TNRC6B: variants seen among roughly 807,000 people sequenced by gnomAD.
TNRC6B encodes the protein trinucleotide repeat-containing gene 6B protein.
In TNRC6B, 52 loss-of-function variants were observed where a neutral mutation model predicts 203.6. That is an observed-to-expected ratio of 0.26 (90% confidence interval 0.20 to 0.32). The LOEUF (loss-of-function observed/expected upper bound fraction) is 0.32. Among genes scored for constraint, TNRC6B ranks in the 10% least tolerant of loss-of-function variants. TNRC6B has a pLI of 1.00. For synonymous variants in TNRC6B, 838 were observed against 845.7 expected (o/e 0.99, Z 0.16); for missense variants, 1,923 against 2,286.2 (o/e 0.84, Z 3.24).
chr22:40,177,508 C>G (rs756376665), upstream of TNRC6B, among the ~76,000 whole-genome samples: 1 of 152,080 alleles, frequency 6.6e-6, no homozygotes, highest in South Asian at 2.1e-4. Context: ...CCCTGTATTT[C>G]ACCTCATTCT....
chr22:40,305,993 A>G (rs577743883), intron 15 of TNRC6B, among the ~76,000 whole-genome samples: 1 of 152,276 alleles, frequency 6.6e-6, no homozygotes, highest in East Asian at 1.9e-4. Flanking sequence ...AGCTGAAATT[A>G]AAGAAATTTA....
chr22:40,242,529 C>T (rs553223275), intron 1 of TNRC6B, among the ~76,000 whole-genome samples: 1 of 151,716 alleles, frequency 6.6e-6, no homozygotes, highest in South Asian at 2.1e-4. Flanking sequence ...CTCCCAGGTT[C>T]AAGCGATTGT....
At chr22:40,089,188 A>T (rs2068127017) in intron 1 of TNRC6B, among the ~76,000 whole-genome samples, 1 of 152,198 alleles carries the variant, frequency 6.6e-6, no homozygotes, top group African/African-American at 2.4e-5. Context: ...AATATAAAAT[A>T]AAAGAGGTTA....
intron 12 of TNRC6B, among the ~76,000 whole-genome samples, chr22:40,291,101 A>G (rs938509030): frequency 3.9e-5 from 6 of 152,184 alleles, no homozygotes; most frequent in Non-Finnish European, 5.9e-5. Context: ...TGAAGAAAGA[A>G]AAGGCCAGGC....
intron 1 of TNRC6B, among the ~76,000 whole-genome samples, chr22:40,196,042 C>T (rs865989719): frequency 8.0e-5 from 12 of 149,908 alleles, no homozygotes; most frequent in Admixed American, 3.3e-4. Context: ...CTCCCAAAGT[C>T]CTGGGATTAC....
intron 1 of TNRC6B, among the ~76,000 whole-genome samples, chr22:40,212,289 C>T (rs2069575576): frequency 6.6e-6 from 1 of 152,152 alleles, no homozygotes; most frequent in African/African-American, 2.4e-5. Context: ...GACCTTGGAC[C>T]CTGTCAGACA....
At chr22:40,272,527 C>G (rs1472991876) in intron 6 of TNRC6B, among the ~76,000 whole-genome samples, 5 of 152,208 alleles carry the variant, frequency 3.3e-5, no homozygotes, top group African/African-American at 1.2e-4. Context: ...AGTAGAGGTG[C>G]AGATGGAAGT....
chr22:40,146,914 G>C (rs566489263), intron 3 of TNRC6B, among the ~76,000 whole-genome samples: 1 of 151,648 alleles, frequency 6.6e-6, no homozygotes, highest in African/African-American at 2.4e-5. Context: ...TCTAAGATTG[G>C]GTGAGAGAGA....
At chr22:40,152,801 T>TA (rs567749566) in intron 3 of TNRC6B, among the ~76,000 whole-genome samples, 19 of 151,632 alleles carry the variant, frequency 1.3e-4, no homozygotes, top group African/African-American at 4.3e-4. Flanking sequence ...AATATGTGGG[T>TA]AAAAAAAATG....
chr22:40,135,796 C>T (rs1165799731), intron 3 of TNRC6B, among the ~76,000 whole-genome samples: 2 of 152,140 alleles, frequency 1.3e-5, no homozygotes, highest in South Asian at 4.1e-4. Context: ...GCCACTGCAG[C>T]CAACCAAAGC....
chr22:40,243,479 A>G (rs565732078), intron 1 of TNRC6B, among the ~76,000 whole-genome samples: 4 of 152,250 alleles, frequency 2.6e-5, no homozygotes, highest in Non-Finnish European at 5.9e-5. Context: ...ATGAATTTCA[A>G]TCTATTTCCC....
intron 1 of TNRC6B, among the ~76,000 whole-genome samples, chr22:40,217,935 T>G (rs1184188811): frequency 7.1e-6 from 1 of 140,002 alleles, no homozygotes; most frequent in Non-Finnish European, 1.5e-5. Flanking sequence ...GTCACGCTAC[T>G]GCACCCCAAC....
chr22:40,075,137 C>CATATATATATATATATATAT (rs200861275), intron 1 of TNRC6B, among the ~76,000 whole-genome samples: 22 of 59,788 alleles, frequency 3.7e-4, no homozygotes, highest in South Asian at 6.8e-4. Flanking sequence ...TGGTTCTGTT[C>CATATATATATATATATATAT]ATATATATAT....
chr22:40,058,322 A>G (rs2067818240), intron 1 of TNRC6B, among the ~76,000 whole-genome samples: 1 of 152,240 alleles, frequency 6.6e-6, no homozygotes, highest in African/African-American at 2.4e-5. Context: ...AAGACATCAC[A>G]TTTCAAGCCA....
chr22:40,293,316 C>T (rs2146537695), intron 12 of TNRC6B, among the ~76,000 whole-genome samples: 1 of 151,528 alleles, frequency 6.6e-6, no homozygotes, highest in South Asian at 2.1e-4. Flanking sequence ...GCCTCAGCCT[C>T]CTAAGTAGTT....
At position 40,331,517 on chromosome 22, in the gene TNRC6B, T is replaced by G; in HGVS notation, c.*8276T>G. On this transcript the variant is annotated 3_prime_UTR_variant, in exon 23 of 23. Transcript: ENST00000454349. ...TCCCTCCCACTCGATTCCTTCAGCT[T>G]CATTCAGGAAGACACAGGGAGGAGA... 1 of 371,670 alleles carries G rather than the reference T, an allele frequency of 2.7e-6. No homozygotes were observed. Among genetic ancestry groups the G allele is most frequent in the Non-Finnish European group, 4.8e-6 (1 of 207,548 alleles). The allele number at this position is 371,670 out of a possible 1,614,324, so 23.0% of individuals were successfully genotyped here.
rs1419469497 is a variant in TNRC6B at position 40,273,425 on chromosome 22, A to G, written c.2966A>G (p.Asn989Ser). 1 of 1,597,654 alleles carries G rather than the reference A, an allele frequency of 6.3e-7. No homozygotes were observed. Among genetic ancestry groups the G allele is most frequent in the South Asian group, 1.1e-5 (1 of 87,970 alleles). ...GAGTTAATTCATTCTTTCCTTAAAG[A>G]TTCCAAATCTATGCAAGACGGCTGG... Reference protein sequence around the residue: ...PANAPNAMKPNSKSMQDGWGE... With the variant: ...PANAPNAMKPSSKSMQDGWGE... Residue 989 changes from asparagine to serine, a missense_variant and splice_region_variant, in exon 7 of 23, where the codon AAT becomes AGT. Around this residue, in one of 8 missense-constraint regions of TNRC6B, gnomAD observed 599 missense variants for 656.5 expected, o/e 0.91. Coordinates refer to ENST00000454349, the MANE Select transcript of TNRC6B (RefSeq NM_001162501.2).
intron 3 of TNRC6B, among the ~76,000 whole-genome samples, chr22:40,251,509 G>A (rs142187135): frequency 6.4e-4 from 97 of 152,146 alleles, no homozygotes; most frequent in African/African-American, 2.3e-3. Context: ...ACCTGAGGTC[G>A]GGAGTTTGAG....
intron 1 of TNRC6B, among the ~76,000 whole-genome samples, chr22:40,195,414 C>T (rs1284928147): frequency 6.6e-6 from 1 of 152,200 alleles, no homozygotes; most frequent in Non-Finnish European, 1.5e-5. Context: ...CTTTCCAGCT[C>T]TGCTTGATTC....
Sources: allele counts gnomAD v4.1 joint callset (sites outside exome capture counted in the v4.1 genomes callset), GRCh38; gene constraint gnomAD v4.1.1; regional missense constraint gnomAD v4.1.1; transcripts MANE v1.5; gene names NCBI Gene and HGNC (gene_info 2026-07-23, HGNC 2026-07-21).